Variants in ZKSCAN4 observed in about 807,000 individuals in gnomAD.
ZKSCAN4 encodes zinc finger with KRAB and SCAN domains 4, also known as zinc finger protein with KRAB and SCAN domains 4.
Under a neutral mutation model 30.8 loss-of-function variants are expected in ZKSCAN4, and 23 were observed. The observed-to-expected ratio is 0.75, with a 90% confidence interval of 0.54 to 1.06. The LOEUF (loss-of-function observed/expected upper bound fraction) is 1.06. Among genes scored for constraint, ZKSCAN4 ranks in the 50% least tolerant of loss-of-function variants. The pLI is 0.00. For synonymous variants in ZKSCAN4, 208 were observed against 252.5 expected, an observed-to-expected ratio of 0.82 and a Z score of 1.67; for missense variants, 556 against 665.4, an observed-to-expected ratio of 0.84 and a Z score of 1.81.
In ZKSCAN4 at chr6:28,251,918, C is replaced by T. The variant is rs1405879029; in HGVS notation, c.63G>A (p.Gly21=). 6.5e-7 allele frequency: 1 copy of T among 1,530,102 alleles called. No homozygotes were observed. Among genetic ancestry groups the T allele is most frequent in the Non-Finnish European group, 8.7e-7 (1 of 1,144,616 alleles). The allele number at this position is 1,530,102 out of a possible 1,614,324, so 94.8% of individuals were successfully genotyped here. Residue 21 remains glycine, a synonymous_variant, in exon 1 of 5, where the codon GGG becomes GGA. Transcript: ENST00000377294. The surrounding 1 kb of genome is among the most constrained non-coding windows in gnomAD (Gnocchi z 4.5). ...LDAQSAEDQT[G]LLTVKVEKEE... is the part of the protein sequence containing the mutation. The stretch of plus-strand genomic sequence containing the variant: ...CCTTCTCCACCTTCACGGTCAGGAG[C>T]CCCGTCTGGTCTTCTGCAGACTGGG...
chr6:28,251,528 G>A lies in ZKSCAN4; in HGVS notation c.423+30C>T. 1.9e-6 allele frequency: 3 copies of A among 1,614,218 alleles called. No homozygotes were observed. Among genetic ancestry groups the A allele is most frequent in the Non-Finnish European group, 2.5e-6 (3 of 1,180,032 alleles). ...GGATTTCAGGAGGAAACAGACCACAGCGCTCAGATACTAAACCTGTTCTTT... is the reference window on the plus strand; with the variant it reads ...GGATTTCAGGAGGAAACAGACCACAACGCTCAGATACTAAACCTGTTCTTT... On this transcript the variant is annotated intron_variant, in intron 1 of 4. Transcript: ENST00000377294. The surrounding 1 kb of genome is among the most constrained non-coding windows in gnomAD (Gnocchi z 4.5).
chr6:28,253,766 C>T (rs895296734), upstream of ZKSCAN4, among the ~76,000 whole-genome samples: 11 of 152,114 alleles, frequency 7.2e-5, no homozygotes, highest in Admixed American at 5.2e-4. The surrounding 1 kb of genome is among the most constrained non-coding windows in gnomAD (Gnocchi z 4.2). Flanking sequence ...AGTGCAGTGG[C>T]GCAATCTTGG....
rs1273645850 is a variant in ZKSCAN4, at chr6:28,249,878, T to C, written c.424-44A>G. 1 of 1,606,444 alleles carries C rather than the reference T, an allele frequency of 6.2e-7. No homozygotes were observed. The highest frequency in any genetic ancestry group is 8.5e-7 in the Non-Finnish European group (1 of 1,176,386). On this transcript the variant is annotated intron_variant, in intron 1 of 4. Transcript: ENST00000377294. This position sits in a 1 kb window ranked among gnomAD's most constrained non-coding sequence, Gnocchi z 4.1. The stretch of plus-strand genomic sequence containing the variant: ...AGTTATCTACCCAACATTTCTATGT[T>C]TTCCATGTGCAAGTGATTTCTATTT...
At chr6:28,246,830 G>A (rs1760754194) in intron 4 of ZKSCAN4, 139 bp downstream of exon 4, 5 of 1,010,254 alleles carry the variant, frequency 4.9e-6, no homozygotes, top group Non-Finnish European at 7.1e-6. Context: ...TAAGGAGCTA[G>A]TAGTCAGTAA....
At chr6:28,250,074 T>G (rs1036569577) in intron 1 of ZKSCAN4, among the ~76,000 whole-genome samples, 4 of 151,562 alleles carry the variant, frequency 2.6e-5, no homozygotes, top group African/African-American at 9.7e-5. Context: ...TTTTTTTGTT[T>G]TTTTTTTTTT....
upstream of ZKSCAN4, among the ~76,000 whole-genome samples, chr6:28,254,988 G>A (rs2113695718): frequency 6.6e-6 from 1 of 152,314 alleles, no homozygotes; most frequent in East Asian, 1.9e-4. Context: ...TATAGATCTT[G>A]TGAATGTTAA....
intron 4 of ZKSCAN4, 87 bp downstream of exon 4, chr6:28,246,882 G>A (rs1760758736): frequency 1.4e-6 from 2 of 1,418,372 alleles, no homozygotes; most frequent in Middle Eastern, 1.9e-4. Context: ...AACATAATGG[G>A]GGCTTAACAG....
At chr6:28,253,977 C>T (rs1761105591), upstream of ZKSCAN4, among the ~76,000 whole-genome samples, 1 of 152,134 alleles carries the variant, frequency 6.6e-6, no homozygotes, top group African/African-American at 2.4e-5. The surrounding 1 kb of genome is among the most constrained non-coding windows in gnomAD (Gnocchi z 4.2). Flanking sequence ...TTCCAACATG[C>T]AGGTGAGTTT....
At position 28,251,079 on chromosome 6, in the gene ZKSCAN4, G is replaced by A. The variant is rs946264312; in HGVS notation, c.423+479C>T. On this transcript the variant is annotated intron_variant, in intron 1 of 4. Transcript: ENST00000377294. The surrounding 1 kb of genome is among the most constrained non-coding windows in gnomAD (Gnocchi z 4.5). ...ACAAAAACTAATCTTATTTTTACTG[G>A]TCTTTAAGAGAGAGTTAACATTTCC... Among the ~76,000 whole-genome samples, 4 of 152,180 alleles carry A rather than the reference G, an allele frequency of 2.6e-5. No individual in the cohort carries two copies. Among genetic ancestry groups the A allele is most frequent in the Non-Finnish European group, 4.4e-5 (3 of 68,034 alleles).
chr6:28,252,909 T>C (rs1761070651), upstream of ZKSCAN4, among the ~76,000 whole-genome samples: 1 of 152,150 alleles, frequency 6.6e-6, no homozygotes. Flanking sequence ...CATTCTCTTC[T>C]GCTTTCTTCC....
rs1350988111 is a variant in ZKSCAN4, at chr6:28,244,341, T to C, written c.*775A>G. Among the ~76,000 whole-genome samples, 2 of 152,102 alleles carry C rather than the reference T, an allele frequency of 1.3e-5. No individual in the cohort carries two copies. Among genetic ancestry groups the C allele is most frequent in the African/African-American group, 4.8e-5 (2 of 41,410 alleles). On this transcript the variant is annotated 3_prime_UTR_variant, in exon 5 of 5. Transcript: ENST00000377294. ...AATGTGAAAGACTCCCCCTAAAGAG[T>C]AGCAAAATTAATGTAAACTAACATA... is the stretch of plus-strand genomic sequence containing the variant.
Position 28,245,003 on chromosome 6 carries a change from G to T in ZKSCAN4, c.*113C>A. ...CAGACTACATTTTCTAATACCCGAT[G>T]ATGTATAGTGGTAAATAAAGCCCTG... On this transcript the variant is annotated 3_prime_UTR_variant, in exon 5 of 5. Transcript: ENST00000377294. 2.4e-6 allele frequency: 3 copies of T among 1,269,158 alleles called. No homozygotes were observed. The highest frequency in any genetic ancestry group is 3.4e-6 in the Non-Finnish European group (3 of 871,328). The allele number at this position is 1,269,158 out of a possible 1,614,324, so 78.6% of individuals were successfully genotyped here.
In ZKSCAN4 at chr6:28,246,956, GTCTCAGTC is replaced by G; in HGVS notation, c.778+5_778+12del. The G allele has an allele frequency of 6.2e-7, 1 of 1,602,712 alleles. No homozygotes were observed. Among genetic ancestry groups the G allele is most frequent in the Non-Finnish European group, 8.5e-7 (1 of 1,175,390 alleles). ...CCAAGAAATCTTAAGACAAATTAGTGTCTCAGTCTTACCAAGGGAGACCAGGCTGCTAT... is the reference window on the plus strand; with the variant it reads ...CCAAGAAATCTTAAGACAAATTAGTGTTACCAAGGGAGACCAGGCTGCTAT... On this transcript the variant is annotated splice_donor_5th_base_variant and intron_variant, in intron 4 of 4. Transcript: ENST00000377294.
At position 28,247,012 on chromosome 6, in the gene ZKSCAN4, G is replaced by A. The variant is rs1760766589; in HGVS notation, c.735C>T (p.Tyr245=). ...TATGGTTCTCCTGCTTTTCATCTCT[G>A]TAGAGGTTCACCTGAGATGAATCCA... ...TQLDSSQVNL[Y]RDEKQENHSS... The change falls in exon 4 of 5, where the codon TAC becomes TAT. Residue 245 remains tyrosine (Y), a synonymous_variant. Coordinates refer to ENST00000377294, the MANE Select transcript of ZKSCAN4 (RefSeq NM_019110.5). 1.9e-6 allele frequency: 3 copies of A among 1,613,062 alleles called. No individual in the cohort carries two copies. The highest frequency in any genetic ancestry group is 1.1e-5 in the South Asian group (1 of 90,800).
upstream of ZKSCAN4, among the ~76,000 whole-genome samples, chr6:28,256,747 A>G (rs9468321): frequency 0.053 from 8,114 of 152,302 alleles, 263 homozygotes; most frequent in East Asian, 0.12. Context: ...CCCTATAAGC[A>G]TACTTTTTGC....
Position 28,242,044 on chromosome 6 carries a change from C to A in ZKSCAN4, c.*3072G>T, listed in dbSNP as rs375223378. Among the ~76,000 whole-genome samples, 25 of 152,174 alleles carry A rather than the reference C, an allele frequency of 1.6e-4. No homozygotes were observed. The South Asian group carries it at 2.1e-3, about 13-fold the overall frequency. On this transcript the variant is annotated 3_prime_UTR_variant, in exon 5 of 5. Coordinates refer to ENST00000377294, the MANE Select transcript of ZKSCAN4 (RefSeq NM_019110.5). ...ATCGAAGTAGAAAAAGTGCTATAAC[C>A]ATTTACTATTCAAGCAAAGGGAGAA...
chr6:28,247,062 TCAG>T lies in ZKSCAN4; in HGVS notation c.682_684del (p.Leu228del). 2 of 1,611,416 alleles carry T rather than the reference TCAG, an allele frequency of 1.2e-6. No individual in the cohort carries two copies. Among genetic ancestry groups the T allele is most frequent in the Non-Finnish European group, 1.7e-6 (2 of 1,178,862 alleles). On this transcript the variant is annotated inframe_deletion, in exon 4 of 5. Transcript: ENST00000377294. ...AGCTGTGTCCACCCAGGAGTGAGGG[TCAG>T]GGCCACATCTTCCATTTTCAGCAAA...
intron 4 of ZKSCAN4, among the ~76,000 whole-genome samples, chr6:28,246,653 C>G (rs879350557): frequency 3.9e-5 from 6 of 152,242 alleles, no homozygotes; most frequent in African/African-American, 1.2e-4. Flanking sequence ...AGAGGCCCCC[C>G]CCTCCCCGCA....
rs201863599 is a variant in ZKSCAN4, at chr6:28,248,038, G to A, written c.654+29C>T. ...CCAACAGTAGTGAAAGGTATGGGGC[G>A]CTGGGGAGGGAGAGGAGCTCCAGCT... On this transcript the variant is annotated intron_variant, in intron 3 of 4. Transcript: ENST00000377294. The A allele has an allele frequency of 2.3e-3, 3,621 of 1,568,652 alleles. 11 individuals are homozygous for A. Among genetic ancestry groups the A allele is most frequent in the Non-Finnish European group, 2.9e-3 (3,308 of 1,146,254 alleles).
Sources: allele counts gnomAD v4.1 joint callset (sites outside exome capture counted in the v4.1 genomes callset), GRCh38; gene constraint gnomAD v4.1.1; non-coding constraint Gnocchi (gnomAD v3.1); transcripts MANE v1.5; gene names NCBI Gene and HGNC (gene_info 2026-07-23, HGNC 2026-07-21).